Variants in MCTP2 observed in about 807,000 individuals in gnomAD.
The protein encoded by MCTP2 is multiple C2 and transmembrane domain containing 2.
Under a neutral mutation model 111.6 loss-of-function variants are expected in MCTP2, and 132 were observed. The ratio of observed to expected loss-of-function variants is 1.18; its 90% confidence interval spans 1.03 to 1.37. The LOEUF is 1.37. MCTP2 is among the 40% of genes most tolerant of loss of function. The pLI, the probability that MCTP2 is intolerant of heterozygous loss-of-function variation, is 0.00. For synonymous variants in MCTP2, 395 were observed against 387.7 expected (o/e 1.02, Z -0.22); for missense variants, 1,183 against 1,067.9 (o/e 1.11, Z -1.50).
At chr15:94,373,140 C>T (rs1448553760) in intron 12 of MCTP2, among the ~76,000 whole-genome samples, 10 of 152,090 alleles carry the variant, frequency 6.6e-5, no homozygotes, top group South Asian at 2.1e-4. Context: ...ATTTTAAAGA[C>T]GTCCACCTCT....
At chr15:94,389,086 A>G (rs2080702164) in intron 14 of MCTP2, among the ~76,000 whole-genome samples, 1 of 152,206 alleles carries the variant, frequency 6.6e-6, no homozygotes, top group Non-Finnish European at 1.5e-5. Flanking sequence ...GTCTCACAGG[A>G]ACGAGAAAGG....
Position 94,384,058 on chromosome 15 carries a change from A to AT in MCTP2, c.1620dup (p.Asp541Ter). On this transcript the variant is annotated frameshift_variant, in exon 13 of 23. Coordinates refer to ENST00000357742, the MANE Select transcript of MCTP2 (RefSeq NM_001385001.1). LOFTEE classifies it high-confidence loss of function. Reference sequence around the variant, plus strand: ...CCATTTTGCTTGTTGGAGTTAGGCAATGACCGACTTCAGACGCATACCGTC... The same window carrying AT: ...CCATTTTGCTTGTTGGAGTTAGGCAATTGACCGACTTCAGACGCATACCGTC... The AT allele has an allele frequency of 3.1e-6, 5 of 1,613,918 alleles. 1 individual carries two copies. In the Middle Eastern group the frequency reaches 6.6e-4, roughly 213 times the overall value.
intron 12 of MCTP2, among the ~76,000 whole-genome samples, chr15:94,383,661 C>T (rs1431608720): frequency 1.3e-5 from 2 of 152,170 alleles, no homozygotes; most frequent in East Asian, 3.9e-4. Flanking sequence ...GAGACTTATT[C>T]TCTACCATGA....
chr15:94,386,804 A>AAAC (rs2080511864), intron 14 of MCTP2, among the ~76,000 whole-genome samples: 1 of 151,906 alleles, frequency 6.6e-6, no homozygotes, highest in Non-Finnish European at 1.5e-5. Context: ...CATGACTTAA[A>AAAC]AACAAAACAA....
In MCTP2 at chr15:94,298,734, A is replaced by C; in HGVS notation, c.465+4A>C. The C allele has an allele frequency of 1.9e-6, 3 of 1,573,898 alleles. No homozygotes were observed. Among genetic ancestry groups the C allele is most frequent in the Non-Finnish European group, 2.6e-6 (3 of 1,163,106 alleles). On this transcript the variant is annotated splice_donor_region_variant and intron_variant, in intron 2 of 22. Transcript: ENST00000357742. ...GGATGCACCAGAAGAGCCAGAGGTG[A>C]GAATAGGGCTGGGCTCTCTTTTTTT...
At chr15:94,325,859 T>C (rs1203904414) in intron 4 of MCTP2, among the ~76,000 whole-genome samples, 1 of 131,730 alleles carries the variant, frequency 7.6e-6, no homozygotes, top group Non-Finnish European at 1.6e-5. Flanking sequence ...CTTGGTCTGT[T>C]GCCAGGCTGG....
intron 4 of MCTP2, among the ~76,000 whole-genome samples, chr15:94,320,632 C>T (rs1254246587): frequency 3.3e-5 from 5 of 152,204 alleles, no homozygotes; most frequent in Non-Finnish European, 5.9e-5. Flanking sequence ...CTCCCTTATT[C>T]AACAAGCATG....
At position 94,384,076 on chromosome 15, in the gene MCTP2, A is replaced by C. The variant is rs774675750; in HGVS notation, c.1637A>C (p.His546Pro). 1 of 1,613,992 alleles carries C rather than the reference A, an allele frequency of 6.2e-7. No homozygotes were observed. Among genetic ancestry groups the C allele is most frequent in the Non-Finnish European group, 8.5e-7 (1 of 1,179,948 alleles). Residue 546 changes from histidine (H) to proline (P), a missense_variant, in exon 13 of 23, where the codon CAT (histidine) becomes CCT (proline). Coordinates refer to ENST00000357742, the MANE Select transcript of MCTP2 (RefSeq NM_001385001.1). Reference protein sequence around the residue: ...LELGNDRLQTHTVYKNLNPEW... With the variant: ...LELGNDRLQTPTVYKNLNPEW... Reference sequence around the variant, plus strand: ...TTAGGCAATGACCGACTTCAGACGCATACCGTCTACAAAAACCTCAACCCT... The same window carrying C: ...TTAGGCAATGACCGACTTCAGACGCCTACCGTCTACAAAAACCTCAACCCT...
chr15:94,244,699 CACAT>C (rs1204564439), intron 1 of MCTP2, among the ~76,000 whole-genome samples: 8 of 148,568 alleles, frequency 5.4e-5, no homozygotes, highest in South Asian at 2.1e-4. Flanking sequence ...TATATGTATA[CACAT>C]ACATATGCAC....
chr15:94,391,935 T>C (rs1305784181), intron 14 of MCTP2, among the ~76,000 whole-genome samples: 1 of 152,108 alleles, frequency 6.6e-6, no homozygotes, highest in Non-Finnish European at 1.5e-5. Context: ...AAGAGTAAAA[T>C]CTAATTGCTG....
Position 94,324,168 on chromosome 15 carries a change from G to A in MCTP2, c.637+8531G>A, listed in dbSNP as rs999376729. Among the ~76,000 whole-genome samples the A allele has an allele frequency of 2.6e-5, 4 of 152,216 alleles. No individual in the cohort carries two copies. The East Asian group carries it at 7.7e-4, about 29-fold the overall frequency. On this transcript the variant is annotated intron_variant, in intron 4 of 22. Transcript: ENST00000357742. ...TGGGAAGGAATGTGGCCGAGGAGGA[G>A]GTGTTCTGGCGTCTTAGAGCTGGTC...
intron 7 of MCTP2, chr15:94,342,720 A>C (rs537915867): frequency 8.6e-4 from 130 of 151,202 alleles, no homozygotes; most frequent in African/African-American, 3.0e-3. Context: ...ATATATCTCT[A>C]TATATGCACA....
intron 4 of MCTP2, among the ~76,000 whole-genome samples, chr15:94,321,661 T>C (rs950317487): frequency 5.9e-5 from 9 of 152,194 alleles, no homozygotes; most frequent in Admixed American, 3.3e-4. Context: ...GATCTGTCTT[T>C]AGCATAGGGT....
At chr15:94,384,250 C>T (rs921229681) in intron 13 of MCTP2, 126 bp downstream of exon 13, 59 of 589,040 alleles carry the variant, frequency 1.0e-4, no homozygotes, top group Non-Finnish European at 1.5e-4. Flanking sequence ...CTTTTGAAAA[C>T]CTTGTATCCT....
chr15:94,399,981 A>G lies in MCTP2; in HGVS notation c.1951A>G (p.Lys651Glu), dbSNP rs1362372332. ...AAAGCGCTTTGTTGAAGACAGCCGC[A>G]AGCTGTCCAAAAAGGTGGGTCGCTA... ...REKRFVEDSR[K>E]LSKKILSRDV... Residue 651 changes from lysine to glutamate, a missense_variant, in exon 16 of 23, where the codon AAG becomes GAG. Physicochemically the swap from Lys to Glu is moderately conservative, Grantham distance 56. Transcript: ENST00000357742. 6.2e-7 allele frequency: 1 copy of G among 1,613,842 alleles called. No individual in the cohort carries two copies. Among genetic ancestry groups the G allele is most frequent in the African/African-American group, 1.3e-5 (1 of 74,898 alleles).
At chr15:94,478,878 C>A in intron 22 of MCTP2, 88 bp from the exon 23 acceptor site, 1 of 1,103,308 alleles carries the variant, frequency 9.1e-7, no homozygotes, top group Non-Finnish European at 1.4e-6. Context: ...CTTCCTTTGC[C>A]TTCGGTTGTC....
chr15:94,433,167 A>C (rs1294234302), intron 17 of MCTP2, among the ~76,000 whole-genome samples: 1 of 152,190 alleles, frequency 6.6e-6, no homozygotes, highest in Non-Finnish European at 1.5e-5. Context: ...GGACTCTTGA[A>C]GGTATTTTTA....
chr15:94,432,445 C>G (rs2083243571), intron 17 of MCTP2, among the ~76,000 whole-genome samples: 1 of 152,110 alleles, frequency 6.6e-6, no homozygotes, highest in Non-Finnish European at 1.5e-5. Flanking sequence ...TTAAGATCAC[C>G]TGGTTACTTT....
At chr15:94,332,219 C>T (rs1038618901) in intron 4 of MCTP2, among the ~76,000 whole-genome samples, 9 of 152,184 alleles carry the variant, frequency 5.9e-5, no homozygotes, top group African/African-American at 2.2e-4. Flanking sequence ...AGTAGCTCAG[C>T]TCTACTGTAA....
Sources: allele counts gnomAD v4.1 joint callset (sites outside exome capture counted in the v4.1 genomes callset), GRCh38; gene constraint gnomAD v4.1.1; transcripts MANE v1.5; gene names NCBI Gene and HGNC (gene_info 2026-07-23, HGNC 2026-07-21).